The following CCL14 variants were observed in gnomAD, a reference collection of about 807,000 sequenced individuals.
CCL14 encodes the protein C-C motif chemokine 14.
Under a neutral mutation model 8.2 loss-of-function variants are expected in CCL14, and 8 were observed. That is an observed-to-expected ratio of 0.98 (90% CI 0.57 to 1.76). The LOEUF is 1.76. Among genes scored for constraint, CCL14 ranks in the 40% most tolerant of loss-of-function variants. The pLI is 0.00. For missense variants in CCL14, 127 were observed against 118.3 expected, an observed-to-expected ratio of 1.07 and a Z score of -0.34; for synonymous variants, 50 against 43.2, an observed-to-expected ratio of 1.16 and a Z score of -0.62.
At position 35,983,565 on chromosome 17, in the gene CCL14, G is replaced by A; in HGVS notation, c.*236C>T. ...TGTACCAGGCTCCAGCAAAACTTCT[G>A]CAGAGCGAGGCTTGATGCCGAGGGT... On this transcript the variant is annotated 3_prime_UTR_variant, in exon 3 of 3. Transcript: ENST00000618404. The A allele has an allele frequency of 2.2e-6, 1 of 456,792 alleles. No homozygotes were observed. The highest frequency in any genetic ancestry group is 3.9e-6 in the Non-Finnish European group (1 of 257,528). 28.3% of individuals were successfully genotyped at this position (456,792 alleles called of 1,614,324 possible).
intron 2 of CCL14, 54 bp from the exon 3 acceptor site, chr17:35,983,942 A>ATGGGCTGTCTCTTCCG: frequency 7.6e-7 from 1 of 1,314,732 alleles, no homozygotes; most frequent in Non-Finnish European, 1.1e-6. Flanking sequence ...TGGCCGGAAG[A>ATGGGCTGTCTCTTCCG]GACAGCCCAT....
rs1349565867 is a variant in CCL14 at position 35,983,681 on chromosome 17, A to G, written c.*120T>C. 4 of 735,808 alleles carry G rather than the reference A, an allele frequency of 5.4e-6. No homozygotes were observed. The highest frequency in any genetic ancestry group is 9.8e-6 in the Non-Finnish European group (4 of 406,862). The allele number at this position is 735,808 out of a possible 1,614,324, so 45.6% of individuals were successfully genotyped here. A position where few individuals can be genotyped will look rare whatever the true frequency, so the allele number is the denominator to read the frequency against. On this transcript the variant is annotated 3_prime_UTR_variant, in exon 3 of 3. Coordinates refer to ENST00000618404, the MANE Select transcript of CCL14 (RefSeq NM_032963.4). The stretch of plus-strand genomic sequence containing the variant: ...GAAGAGCATGAGTGGTCTTTAATTC[A>G]AAGCAGGGAAGCTCCAAGAGGGTGA...
At chr17:35,985,487 T>TC in intron 1 of CCL14, 6 of 529,410 alleles carry the variant, frequency 1.1e-5, no homozygotes, top group South Asian at 8.8e-5. Flanking sequence ...ATCAGGTGTG[T>TC]GCATGTTATG....
intron 2 of CCL14, 46 bp from the exon 3 acceptor site, chr17:35,983,934 G>T: frequency 7.1e-7 from 1 of 1,409,666 alleles, no homozygotes; most frequent in Non-Finnish European, 1.0e-6. Flanking sequence ...GGGCCCAGTG[G>T]CCGGAAGAGA....
chr17:35,983,597 C>T lies in CCL14; in HGVS notation c.*204G>A, dbSNP rs985226969. ...GAGGCTTGATGCCGAGGGTGCCACA[C>T]CCTGGTGTCCTCAGTGCATGGCCAA... On this transcript the variant is annotated 3_prime_UTR_variant, in exon 3 of 3. Transcript: ENST00000618404. 2 of 513,596 alleles carry T rather than the reference C, an allele frequency of 3.9e-6. No individual in the cohort carries two copies. Among genetic ancestry groups the T allele is most frequent in the Non-Finnish European group, 6.9e-6 (2 of 289,156 alleles). The allele number at this position is 513,596 out of a possible 1,614,324, so 31.8% of individuals were successfully genotyped here.
At position 35,986,621 on chromosome 17, in the gene CCL14, A is replaced by T. The variant is rs1369944897; in HGVS notation, c.29T>A (p.Phe10Tyr). The change falls in exon 1 of 3, where the codon TTC becomes TAC. Residue 10 changes from phenylalanine to tyrosine, a missense_variant. Coordinates refer to ENST00000618404, the MANE Select transcript of CCL14 (RefSeq NM_032963.4). MKISVAAIP[F>Y]FLLITIALGT... Reference sequence around the variant, plus strand: ...TAGGGCGATGGTGATGAGGAGGAAGAAGGGAATGGCAGCCACGGAGATCTT... The same window carrying T: ...TAGGGCGATGGTGATGAGGAGGAAGTAGGGAATGGCAGCCACGGAGATCTT... The T allele has an allele frequency of 1.2e-6, 2 of 1,613,950 alleles. No individual in the cohort carries two copies. The highest frequency in any genetic ancestry group is 3.3e-5 in the Admixed American group (2 of 60,010).
Position 35,983,884 on chromosome 17 carries a change from T to A in CCL14, c.199A>T (p.Ile67Phe). 6.2e-7 allele frequency: 1 copy of A among 1,613,390 alleles called. No homozygotes were observed. The highest frequency in any genetic ancestry group is 1.1e-5 in the South Asian group (1 of 91,058). ...CAGACGGAATGGCCCCTTTTGGTGATGAAGCTGTGGAGCAAGAGGGAGAAG... is the reference window on the plus strand; with the variant it reads ...CAGACGGAATGGCCCCTTTTGGTGAAGAAGCTGTGGAGCAAGAGGGAGAAG... ...SQCSKPGIVF[I>F]TKRGHSVCTN... Residue 67 changes from isoleucine (I) to phenylalanine (F), a missense_variant, in exon 3 of 3, where the codon ATC becomes TTC. Ile to Phe is a conservative substitution (Grantham distance 21, BLOSUM62 0). Coordinates refer to ENST00000618404, the MANE Select transcript of CCL14 (RefSeq NM_032963.4).
intron 1 of CCL14, chr17:35,985,057 A>G (rs1029823096): frequency 1.9e-5 from 3 of 157,138 alleles, no homozygotes; most frequent in Admixed American, 1.9e-4. Flanking sequence ...CTTCCTGTGT[A>G]CTGTGGCCAT....
At position 35,983,730 on chromosome 17, in the gene CCL14, G is replaced by T; in HGVS notation, c.*71C>A. The T allele has an allele frequency of 9.5e-7, 1 of 1,055,974 alleles. No individual in the cohort carries two copies. The highest frequency in any genetic ancestry group is 1.5e-6 in the Non-Finnish European group (1 of 671,634). The allele number at this position is 1,055,974 out of a possible 1,614,324, so 65.4% of individuals were successfully genotyped here. A position where few individuals can be genotyped will look rare whatever the true frequency, so the allele number is the denominator to read the frequency against. ...GACTGGGGCTGAGAGTTAGCGGTGGGTGGAGGAGGGGGCCTTGGCATCTTC... is the reference window on the plus strand; with the variant it reads ...GACTGGGGCTGAGAGTTAGCGGTGGTTGGAGGAGGGGGCCTTGGCATCTTC... On this transcript the variant is annotated 3_prime_UTR_variant, in exon 3 of 3. Coordinates refer to ENST00000618404, the MANE Select transcript of CCL14 (RefSeq NM_032963.4).
chr17:35,986,163 G>C (rs1024976144), intron 1 of CCL14: 12 of 368,414 alleles, frequency 3.3e-5, no homozygotes, highest in South Asian at 1.5e-4. Flanking sequence ...TGAGGGCAAG[G>C]GGGGACTGGT....
chr17:35,985,745 T>C, intron 1 of CCL14: 1 of 1,541,976 alleles, frequency 6.5e-7, no homozygotes, highest in Non-Finnish European at 8.8e-7. Flanking sequence ...ACTGTGCACA[T>C]ACCCACCAAC....
chr17:35,984,758 C>G (rs984607825), intron 1 of CCL14: 1 of 496,466 alleles, frequency 2.0e-6, no homozygotes, highest in African/African-American at 1.9e-5. Flanking sequence ...CTTACACCAT[C>G]TCTGGGGGCC....
Position 35,986,681 on chromosome 17 carries a change from G to T in CCL14, c.-32C>A, listed in dbSNP as rs771786113. The T allele has an allele frequency of 1.3e-6, 2 of 1,553,424 alleles. No individual in the cohort carries two copies. The highest frequency in any genetic ancestry group is 3.3e-5 in the Admixed American group (2 of 59,872). ...GGAAGCTGTTGTGGGAGGAGAGCTG[G>T]CCTGGTGGGAGCTTCAGAGGCTCCT... On this transcript the variant is annotated 5_prime_UTR_variant, in exon 1 of 3. Coordinates refer to ENST00000618404, the MANE Select transcript of CCL14 (RefSeq NM_032963.4).
intron 1 of CCL14, chr17:35,986,191 A>G: frequency 5.7e-6 from 2 of 351,090 alleles, no homozygotes; most frequent in Non-Finnish European, 1.0e-5. Context: ...GGCAATGATA[A>G]GAGATCAAGG....
At chr17:35,985,324 A>G (rs1376355630) in intron 1 of CCL14, 1 of 182,576 alleles carries the variant, frequency 5.5e-6, no homozygotes, top group Non-Finnish European at 1.1e-5. Context: ...TGATTTTTTC[A>G]TCTATTTTCT....
Position 35,986,614 on chromosome 17 carries a change from G to C in CCL14, c.36C>G (p.Leu12=). 6.2e-7 allele frequency: 1 copy of C among 1,614,064 alleles called. No individual in the cohort carries two copies. The highest frequency in any genetic ancestry group is 8.5e-7 in the Non-Finnish European group (1 of 1,179,996). ...KISVAAIPFF[L]LITIALGTKT... ...TGGTCCCTAGGGCGATGGTGATGAG[G>C]AGGAAGAAGGGAATGGCAGCCACGG... is the stretch of plus-strand genomic sequence containing the variant. The change falls in exon 1 of 3, where the codon CTC becomes CTG. Residue 12 remains leucine, a synonymous_variant. Transcript: ENST00000618404.
Position 35,983,572 on chromosome 17 carries a change from G to A in CCL14, c.*229C>T, listed in dbSNP as rs1016340032. 4.3e-6 allele frequency: 2 copies of A among 464,918 alleles called. No homozygotes were observed. Among genetic ancestry groups the A allele is most frequent in the Non-Finnish European group, 7.6e-6 (2 of 262,030 alleles). The allele number at this position is 464,918 out of a possible 1,614,324, so 28.8% of individuals were successfully genotyped here. On this transcript the variant is annotated 3_prime_UTR_variant, in exon 3 of 3. Transcript: ENST00000618404. The stretch of plus-strand genomic sequence containing the variant: ...GGCTCCAGCAAAACTTCTGCAGAGC[G>A]AGGCTTGATGCCGAGGGTGCCACAC...
rs767425052 is a variant in CCL14 at position 35,986,602 on chromosome 17, G to T, written c.48C>A (p.Ile16=). 8 of 1,614,010 alleles carry T rather than the reference G, an allele frequency of 5.0e-6. No individual in the cohort carries two copies. The Admixed American group carries it at 1.3e-4, about 27-fold the overall frequency. The stretch of plus-strand genomic sequence containing the variant: ...AGGATTCAGTCTTGGTCCCTAGGGC[G>T]ATGGTGATGAGGAGGAAGAAGGGAA... ...AAIPFFLLIT[I]ALGTKTESSS... Residue 16 remains isoleucine (I), a synonymous_variant, in exon 1 of 3, where the codon ATC becomes ATA. Coordinates refer to ENST00000618404, the MANE Select transcript of CCL14 (RefSeq NM_032963.4).
At chr17:35,986,455 G>T in intron 1 of CCL14, 116 bp downstream of exon 1, 2 of 742,574 alleles carry the variant, frequency 2.7e-6, no homozygotes, top group Middle Eastern at 3.7e-4. Flanking sequence ...ATTTCAAGAA[G>T]ATACCAGCCC....
Sources: gnomAD v4.1 joint callset for allele counts on GRCh38, gnomAD v4.1.1 for gene constraint, MANE v1.5 for transcripts, NCBI Gene and HGNC (gene_info 2026-07-23, HGNC 2026-07-21) for gene names.